Variants in PTPRT observed in about 807,000 individuals in gnomAD.
PTPRT encodes the protein protein tyrosine phosphatase receptor type T, also known as receptor-type tyrosine-protein phosphatase T.
PTPRT carries 56 observed loss-of-function variants against 176.8 expected under a neutral mutation model. The ratio of observed to expected loss-of-function variants is 0.32; its 90% CI spans 0.26 to 0.40. The LOEUF is 0.40. Among genes scored for constraint, PTPRT ranks in the 10% least tolerant of loss-of-function variants. PTPRT has a pLI of 1.00. For missense variants in PTPRT, 1,540 were observed against 1,908.2 expected (o/e 0.81, Z 3.60); for synonymous variants, 783 against 739.0 (o/e 1.06, Z -0.96).
intron 1 of PTPRT, among the ~76,000 whole-genome samples, chr20:42,910,372 C>T (rs191187320): frequency 1.2e-4 from 18 of 152,294 alleles, no homozygotes; most frequent in Admixed American, 1.2e-3. Flanking sequence ...GAAACAGCAA[C>T]CAGCTCAGTG....
intron 9 of PTPRT, among the ~76,000 whole-genome samples, chr20:42,418,921 C>T (rs1388208104): frequency 6.6e-6 from 1 of 152,168 alleles, no homozygotes; most frequent in Non-Finnish European, 1.5e-5. Flanking sequence ...CAAGCTGCCT[C>T]CCACTATAAG....
At chr20:42,839,249 C>T (rs1304899595) in intron 2 of PTPRT, among the ~76,000 whole-genome samples, 1 of 151,362 alleles carries the variant, frequency 6.6e-6, no homozygotes, top group East Asian at 1.9e-4. Flanking sequence ...AGTCTCAGAG[C>T]AAAAAGCTCT....
chr20:43,181,164 C>T (rs941323151), intron 1 of PTPRT, among the ~76,000 whole-genome samples: 5 of 152,140 alleles, frequency 3.3e-5, no homozygotes, highest in Non-Finnish European at 5.9e-5. Context: ...TAAGTGAATC[C>T]CGCCAACAGC....
In PTPRT at chr20:43,104,649, T is replaced by C. The variant is rs192494517; in HGVS notation, c.88+84997A>G. 1.7e-4 allele frequency among the ~76,000 whole-genome samples: 26 copies of C among 152,334 alleles called. No individual in the cohort carries two copies. In the East Asian group the frequency reaches 4.2e-3, roughly 25 times the overall value. ...TCCATGATTGCTCCTGTCATTGACA[T>C]TGGGAATGCTTTTGCTCTGCAGACT... On this transcript the variant is annotated intron_variant, in intron 1 of 30. Transcript: ENST00000373187.
chr20:42,562,404 G>A (rs6102907), intron 7 of PTPRT, among the ~76,000 whole-genome samples: 2 of 152,262 alleles, frequency 1.3e-5, no homozygotes, highest in African/African-American at 4.8e-5. Flanking sequence ...TAAGTTTTGA[G>A]GTTAATTCAC....
In PTPRT at chr20:42,131,564, G is replaced by C. The variant is rs1461740944; in HGVS notation, c.2771-2734C>G. On this transcript the variant is annotated intron_variant, in intron 18 of 30. Transcript: ENST00000373187. ...AAACGAACTTATTTATTCTAGTTAA[G>C]TGTACTTATGGATGAAAGTGATCTC... Among the ~76,000 whole-genome samples, 3 of 152,230 alleles carry C rather than the reference G, an allele frequency of 2.0e-5. No homozygotes were observed. In the East Asian group the frequency reaches 5.8e-4, roughly 29 times the overall value.
chr20:42,063,019 C>T, the PTPRT span, among the ~76,000 whole-genome samples: 2 of 152,100 alleles, frequency 1.3e-5, no homozygotes, highest in Admixed American at 1.3e-4. Context: ...AAGGCATAAG[C>T]CATGATGTAT....
intron 7 of PTPRT, among the ~76,000 whole-genome samples, chr20:42,615,227 A>G (rs1287043924): frequency 7.5e-6 from 1 of 133,438 alleles, no homozygotes; most frequent in Non-Finnish European, 1.6e-5. Flanking sequence ...GAGAATGATG[A>G]TTTCCAATTT....
chr20:42,311,456 C>G (rs907588226), intron 12 of PTPRT, among the ~76,000 whole-genome samples: 1 of 152,180 alleles, frequency 6.6e-6, no homozygotes, highest in Non-Finnish European at 1.5e-5. Flanking sequence ...TTGACTAAAA[C>G]TTGCAGGTAG....
Position 42,083,440 on chromosome 20 carries a change from T to C in PTPRT, c.4136+1242A>G, listed in dbSNP as rs937430231. Among the ~76,000 whole-genome samples the C allele has an allele frequency of 7.2e-5, 11 of 152,316 alleles. No individual in the cohort carries two copies. The East Asian group carries it at 2.1e-3, about 29-fold the overall frequency. On this transcript the variant is annotated intron_variant, in intron 29 of 30. Transcript: ENST00000373187. ...GGCTGATGTCACCCATCAGCCTGAC[T>C]TGGGACACTACGCAGCATCTTCCTG...
intron 7 of PTPRT, among the ~76,000 whole-genome samples, chr20:42,640,997 C>A (rs1199717112): frequency 6.6e-6 from 1 of 152,120 alleles, no homozygotes; most frequent in Non-Finnish European, 1.5e-5. Context: ...TTTAAGGTTG[C>A]CCAATAGCAT....
intron 7 of PTPRT, among the ~76,000 whole-genome samples, chr20:42,503,455 TCAAA>T (rs1288025420): frequency 6.6e-6 from 1 of 152,084 alleles, no homozygotes; most frequent in African/African-American, 2.4e-5. Flanking sequence ...AGGAGTGCTT[TCAAA>T]CTTCCAAATG....
intron 1 of PTPRT, among the ~76,000 whole-genome samples, chr20:43,002,134 G>T (rs761863982): frequency 6.6e-6 from 1 of 151,456 alleles, no homozygotes; most frequent in Non-Finnish European, 1.5e-5. Flanking sequence ...CCTTCCTGCT[G>T]CCTTGTGAAG....
At chr20:42,635,256 C>T (rs1477480158) in intron 7 of PTPRT, among the ~76,000 whole-genome samples, 4 of 151,992 alleles carry the variant, frequency 2.6e-5, no homozygotes, top group Admixed American at 2.6e-4. Context: ...AATGTGTCCC[C>T]AGATGAAAAA....
intron 15 of PTPRT, among the ~76,000 whole-genome samples, chr20:42,231,651 G>A (rs1292769876): frequency 6.6e-6 from 1 of 152,068 alleles, no homozygotes; most frequent in Non-Finnish European, 1.5e-5. Context: ...AAAACTCTAG[G>A]GCAAGAATTG....
chr20:42,138,094 C>T (rs1988456823), intron 18 of PTPRT, among the ~76,000 whole-genome samples: 1 of 152,232 alleles, frequency 6.6e-6, no homozygotes, highest in African/African-American at 2.4e-5. Context: ...AGACTCTGTC[C>T]TCAGAATTTC....
At chr20:42,145,544 A>AGATG (rs1555876067) in intron 17 of PTPRT, among the ~76,000 whole-genome samples, 23 of 151,832 alleles carry the variant, frequency 1.5e-4, no homozygotes, top group African/African-American at 2.4e-4. Flanking sequence ...ATAGATAGAT[A>AGATG]GATGGATGTT....
downstream of PTPRT, among the ~76,000 whole-genome samples, chr20:42,069,433 G>A (rs967903296): frequency 1.3e-5 from 2 of 152,090 alleles, no homozygotes; most frequent in African/African-American, 4.8e-5. Flanking sequence ...GTGGGAGATG[G>A]GCAGTGCCAC....
chr20:42,593,461 A>G (rs139583751), intron 7 of PTPRT, among the ~76,000 whole-genome samples: 140 of 152,302 alleles, frequency 9.2e-4, no homozygotes, highest in African/African-American at 3.2e-3. Context: ...TGACCCAGGC[A>G]TGGAGGTTCT....
Sources: allele counts gnomAD v4.1 joint callset (sites outside exome capture counted in the v4.1 genomes callset), GRCh38; gene constraint gnomAD v4.1.1; transcripts MANE v1.5; gene names NCBI Gene and HGNC (gene_info 2026-07-23, HGNC 2026-07-21).